KANK2: variants seen among roughly 807,000 people sequenced by gnomAD.
The protein encoded by KANK2 is KN motif and ankyrin repeat domain-containing protein 2.
In KANK2, 41 loss-of-function variants were observed where a neutral mutation model predicts 74.6. That is an observed-to-expected ratio of 0.55 (90% CI 0.43 to 0.71). The LOEUF (loss-of-function observed/expected upper bound fraction) is 0.71. Among genes scored for constraint, KANK2 ranks in the 30% least tolerant of loss-of-function variants. The probability of loss-of-function intolerance (pLI) is 0.00; values close to 1 mark genes in which losing one functional copy is unlikely to be tolerated. For synonymous variants in KANK2, 537 were observed against 519.0 expected (o/e 1.03, Z -0.47); for missense variants, 1,148 against 1,196.4 (o/e 0.96, Z 0.60).
chr19:11,170,431 G>GC lies in KANK2; in HGVS notation c.2212-184_2212-183insG. On this transcript the variant is annotated intron_variant, in intron 10 of 12. Transcript: ENST00000586659. The surrounding 1 kb of genome is among the most constrained non-coding windows in gnomAD (Gnocchi z 5.2). ...GGGGAGTAATAAATCCACAGAGACAGAAAGCGGATGAGTGGTTGCCAGAGG... is the reference window on the plus strand; with the variant it reads ...GGGGAGTAATAAATCCACAGAGACAGCAAAGCGGATGAGTGGTTGCCAGAGG... 1 of 599,514 alleles carries GC rather than the reference G, an allele frequency of 1.7e-6. No homozygotes were observed. The highest frequency in any genetic ancestry group is 2.0e-5 in the South Asian group (1 of 50,512). 37.1% of individuals were successfully genotyped at this position (599,514 alleles called of 1,614,324 possible). A position where few individuals can be genotyped will look rare whatever the true frequency, so the allele number is the denominator to read the frequency against.
chr19:11,168,761 G>A (rs143277746), intron 12 of KANK2, among the ~76,000 whole-genome samples: 10 of 152,266 alleles, frequency 6.6e-5, no homozygotes, highest in African/African-American at 2.2e-4. Flanking sequence ...AGACCCAGGC[G>A]TGAATACTGT....
At chr19:11,179,067 G>A (rs544864562) in intron 4 of KANK2, among the ~76,000 whole-genome samples, 1 of 152,262 alleles carries the variant, frequency 6.6e-6, no homozygotes, top group Admixed American at 6.5e-5. Flanking sequence ...TGTAATCCCA[G>A]CACTTTGGGA....
chr19:11,184,204 AG>A (rs1162208319), intron 4 of KANK2, among the ~76,000 whole-genome samples: 2,545 of 138,584 alleles, frequency 0.018, 97 homozygotes, highest in Admixed American at 0.025. Flanking sequence ...GGTGAAACCC[AG>A]TCTCTACTGA....
chr19:11,176,746 G>T lies in KANK2; in HGVS notation c.1592C>A (p.Ala531Asp). 1 of 1,607,304 alleles carries T rather than the reference G, an allele frequency of 6.2e-7. No individual in the cohort carries two copies. The highest frequency in any genetic ancestry group is 8.5e-7 in the Non-Finnish European group (1 of 1,176,110). The part of the protein sequence containing the change: ...ISDNDSTENE[A>D]PEPRERVPSV... ...CGGAACCCTCTCCCTCGGCTCTGGG[G>T]CCTCGTTCTCTGTGCTGTCGTTGTC... is the stretch of plus-strand genomic sequence containing the variant. The change falls in exon 7 of 13, where the codon GCC becomes GAC. Residue 531 changes from alanine (A) to aspartate (D), a missense_variant. Ala to Asp is a moderately radical substitution (Grantham distance 126). Coordinates refer to ENST00000586659, the MANE Select transcript of KANK2 (RefSeq NM_001136191.3).
rs1008677783 is a variant in KANK2, at chr19:11,195,822, T to G, written c.-278-2A>C. The G allele has an allele frequency of 1.2e-4, 19 of 152,226 alleles. No individual in the cohort carries two copies. The highest frequency in any genetic ancestry group is 4.1e-4 in the African/African-American group (17 of 41,400). 9.4% of individuals were successfully genotyped at this position (152,226 alleles called of 1,614,324 possible). On this transcript the variant is annotated splice_acceptor_variant, in intron 1 of 12. Coordinates refer to ENST00000586659, the MANE Select transcript of KANK2 (RefSeq NM_001136191.3). LOFTEE classifies it low-confidence loss of function (5UTR_SPLICE). ...CTTCGCTTCTCTGTCTTTCAACACC[T>G]GGAACACATGGTCACCAATTGCAGG...
intron 4 of KANK2, among the ~76,000 whole-genome samples, chr19:11,189,098 T>TCCCCCCCCCCCC (rs71297565): frequency 7.9e-6 from 1 of 126,578 alleles, no homozygotes; most frequent in African/African-American, 3.1e-5. Context: ...ATTGATTCTC[T>TCCCCCCCCCCCC]CCCCCCCCAC....
intron 4 of KANK2, among the ~76,000 whole-genome samples, chr19:11,185,096 G>A (rs2078639081): frequency 6.7e-6 from 1 of 149,354 alleles, no homozygotes; most frequent in African/African-American, 2.5e-5. Context: ...TGCCCAGGCT[G>A]GAGTCCAATC....
At chr19:11,169,733 G>A (rs1600805093) in intron 12 of KANK2, 144 bp downstream of exon 12, 7 of 661,922 alleles carry the variant, frequency 1.1e-5, no homozygotes, top group South Asian at 3.7e-5. Context: ...GCCGGGAGGC[G>A]GAGGTTGCAA....
At chr19:11,183,655 ATT>A (rs374907585) in intron 4 of KANK2, among the ~76,000 whole-genome samples, 2 of 144,904 alleles carry the variant, frequency 1.4e-5, no homozygotes, top group African/African-American at 2.5e-5. Flanking sequence ...TGCCCAGCTA[ATT>A]TTTTTTTTTT....
At chr19:11,173,378 G>T (rs1568643175) in intron 9 of KANK2, among the ~76,000 whole-genome samples, 1 of 152,070 alleles carries the variant, frequency 6.6e-6, no homozygotes, top group Non-Finnish European at 1.5e-5. Context: ...TAGAAACTGG[G>T]TCTCCCCTGT....
rs113574057 is a variant in KANK2, at chr19:11,176,721, C to T, written c.1617G>A (p.Pro539=). The T allele has an allele frequency of 3.8e-5, 62 of 1,611,600 alleles. No homozygotes were observed. The highest frequency in any genetic ancestry group is 1.5e-4 in the Admixed American group (9 of 59,578). ...TGAGCTGGGGGGCTTCGGCCACACT[C>T]GGAACCCTCTCCCTCGGCTCTGGGG... ...NEAPEPRERV[P]SVAEAPQLRP... is the part of the protein sequence containing the mutation. The change falls in exon 7 of 13, where the codon CCG becomes CCA. Residue 539 remains proline (P), a synonymous_variant. Transcript: ENST00000586659.
rs1159139735 is a variant in KANK2, at chr19:11,164,326, A to G, written c.*2232T>C. 6.6e-6 allele frequency: 1 copy of G among 152,198 alleles called. No individual in the cohort carries two copies. The highest frequency in any genetic ancestry group is 1.5e-5 in the Non-Finnish European group (1 of 68,036). The allele number at this position is 152,198 out of a possible 1,614,324, so 9.4% of individuals were successfully genotyped here. ...TTACCTTCTAAAAAAAACGATTACA[A>G]AAAAGAATACTTCATTTAAGTGTAA... On this transcript the variant is annotated 3_prime_UTR_variant, in exon 13 of 13. Transcript: ENST00000586659.
In KANK2 at chr19:11,193,198, G is replaced by T. The variant is rs1416197513; in HGVS notation, c.882C>A (p.Thr294=). ...GCTCCTGCAGCGCCTTCTTGAGCTG[G>T]GTCTCCAGCACAGCGACCTTGGCGG... ...ALAAKVAVLE[T]QLKKALQELQ... is the part of the protein sequence containing the mutation. The change falls in exon 4 of 13, where the codon ACC becomes ACA. Residue 294 remains threonine, a synonymous_variant. Coordinates refer to ENST00000586659, the MANE Select transcript of KANK2 (RefSeq NM_001136191.3). This position sits in a 1 kb window ranked among gnomAD's most constrained non-coding sequence, Gnocchi z 9.6. The T allele has an allele frequency of 1.5e-5, 24 of 1,609,950 alleles. No homozygotes were observed. The highest frequency in any genetic ancestry group is 2.0e-5 in the Non-Finnish European group (24 of 1,179,818).
At chr19:11,175,586 C>G (rs1427525570) in intron 8 of KANK2, among the ~76,000 whole-genome samples, 2 of 152,058 alleles carry the variant, frequency 1.3e-5, no homozygotes, top group African/African-American at 4.8e-5. Context: ...GCGCCCAGCC[C>G]TGGTTATAAT....
At chr19:11,174,858 A>C (rs958801453) in intron 8 of KANK2, among the ~76,000 whole-genome samples, 166 bp from the exon 9 acceptor site, 1 of 152,054 alleles carries the variant, frequency 6.6e-6, no homozygotes, top group African/African-American at 2.4e-5. Flanking sequence ...TCTCTGTCCC[A>C]ATAAGACCCT....
chr19:11,179,739 G>T (rs189121095), intron 4 of KANK2, among the ~76,000 whole-genome samples: 8 of 152,260 alleles, frequency 5.3e-5, no homozygotes, highest in Non-Finnish European at 1.0e-4. Flanking sequence ...TTGGTCTGAG[G>T]ACAAAGGTGA....
chr19:11,166,768 A>C (rs1332920588), intron 12 of KANK2, among the ~76,000 whole-genome samples, 157 bp from the exon 13 acceptor site: 1 of 152,152 alleles, frequency 6.6e-6, no homozygotes, highest in Non-Finnish European at 1.5e-5. Flanking sequence ...CGCCTTGAAG[A>C]AGCAAACTCA....
chr19:11,166,511 A>G lies in KANK2; in HGVS notation c.*47T>C, dbSNP rs962250513. The G allele has an allele frequency of 6.4e-7, 1 of 1,562,832 alleles. No individual in the cohort carries two copies. The highest frequency in any genetic ancestry group is 1.7e-5 in the Admixed American group (1 of 59,922). On this transcript the variant is annotated 3_prime_UTR_variant, in exon 13 of 13. Coordinates refer to ENST00000586659, the MANE Select transcript of KANK2 (RefSeq NM_001136191.3). ...ACGGGAACAGGGAGGAGACGGGGACAAGGGACGGTTTGCTCCCGGTCTGGC... is the reference window on the plus strand; with the variant it reads ...ACGGGAACAGGGAGGAGACGGGGACGAGGGACGGTTTGCTCCCGGTCTGGC...
intron 12 of KANK2, 74 bp downstream of exon 12, chr19:11,169,803 A>G: frequency 7.5e-7 from 1 of 1,331,452 alleles, no homozygotes; most frequent in Non-Finnish European, 1.1e-6. Context: ...TCTGCCTCAA[A>G]AACAAAAACA....
Sources: gnomAD v4.1 joint callset for allele counts (sites outside exome capture counted in the v4.1 genomes callset) on GRCh38, gnomAD v4.1.1 for gene constraint, Gnocchi (gnomAD v3.1) non-coding constraint, MANE v1.5 for transcripts, NCBI Gene and HGNC (gene_info 2026-07-23, HGNC 2026-07-21) for gene names.